TRPC1: variants seen among roughly 807,000 people sequenced by gnomAD.
TRPC1 encodes short transient receptor potential channel 1.
A neutral mutation model predicts 88.2 loss-of-function variants in TRPC1; 42 were observed. That is an observed-to-expected ratio of 0.48 (90% CI 0.37 to 0.62). The LOEUF is 0.62. Among genes scored for constraint, TRPC1 ranks in the 20% least tolerant of loss-of-function variants. The probability of loss-of-function intolerance (pLI) is 0.00; values close to 1 mark genes in which losing one functional copy is unlikely to be tolerated. For synonymous variants in TRPC1, 288 were observed against 331.8 expected (o/e 0.87, Z 1.43); for missense variants, 699 against 957.3 (o/e 0.73, Z 3.56).
chr3:142,787,396 T>G (rs1482080283), intron 7 of TRPC1, among the ~76,000 whole-genome samples: 1 of 152,228 alleles, frequency 6.6e-6, no homozygotes, highest in African/African-American at 2.4e-5. Context: ...ACACAGTGAC[T>G]TTTTAACTCA....
chr3:142,727,649 T>C (rs1178103832), intron 1 of TRPC1, among the ~76,000 whole-genome samples: 1 of 152,164 alleles, frequency 6.6e-6, no homozygotes, highest in Non-Finnish European at 1.5e-5. Flanking sequence ...TGAAAGTTAC[T>C]GTGCCAGCAA....
At chr3:142,731,374 ATTTTTTTTTTTT>A (rs59613066) in intron 1 of TRPC1, among the ~76,000 whole-genome samples, 9 of 79,524 alleles carry the variant, frequency 1.1e-4, no homozygotes, top group South Asian at 4.9e-4. Context: ...ATATGTTTTG[ATTTTTTTTTTTT>A]TTTTTTTTTT....
rs1577945687 is a variant in TRPC1, at chr3:142,736,493, A to G, written c.287A>G (p.Asn96Ser). 1 of 1,611,498 alleles carries G rather than the reference A, an allele frequency of 6.2e-7. No individual in the cohort carries two copies. Among genetic ancestry groups the G allele is most frequent in the Non-Finnish European group, 8.5e-7 (1 of 1,179,120 alleles). ...NAVTITIENE[N>S]LDILQLLLDY... ...GTTACCATAACTATTGAAAACGAAA[A>G]CTTGGATATACTGCAGCTTCTTTTG... The change falls in exon 2 of 13, where the codon AAC (asparagine) becomes AGC (serine). Residue 96 changes from asparagine (N) to serine (S), a missense_variant. This residue lies in a region of TRPC1 where 157 missense variants were observed against 127.0 expected (regional missense o/e 1.24). Transcript: ENST00000476941.
intron 2 of TRPC1, among the ~76,000 whole-genome samples, chr3:142,740,161 A>G (rs1934294799): frequency 6.6e-6 from 1 of 152,252 alleles, no homozygotes; most frequent in Non-Finnish European, 1.5e-5. Context: ...CCCTGGTGCC[A>G]AAAAGGTTGG....
chr3:142,783,363 T>C (rs1218028108), intron 6 of TRPC1, among the ~76,000 whole-genome samples: 2 of 152,114 alleles, frequency 1.3e-5, no homozygotes, highest in African/African-American at 4.8e-5. Context: ...CCCAAGAACA[T>C]TGGAATCTGA....
At chr3:142,796,608 C>T (rs1029261634) in intron 9 of TRPC1, among the ~76,000 whole-genome samples, 1 of 151,828 alleles carries the variant, frequency 6.6e-6, no homozygotes, top group African/African-American at 2.4e-5. Flanking sequence ...GACTCTGCTG[C>T]GTGGGTCCCT....
At chr3:142,800,652 C>T (rs931697973) in intron 9 of TRPC1, among the ~76,000 whole-genome samples, 3 of 152,072 alleles carry the variant, frequency 2.0e-5, no homozygotes, top group Non-Finnish European at 4.4e-5. Flanking sequence ...CACGGTGGCT[C>T]ACACCTGTAA....
chr3:142,789,197 A>G (rs183915181), intron 7 of TRPC1, among the ~76,000 whole-genome samples: 39 of 152,322 alleles, frequency 2.6e-4, no homozygotes, highest in Non-Finnish European at 5.1e-4. Context: ...TGAGTCTTCA[A>G]GAAAGTATGG....
intron 9 of TRPC1, among the ~76,000 whole-genome samples, chr3:142,800,649 G>C (rs1485181896): frequency 6.6e-6 from 1 of 152,058 alleles, no homozygotes; most frequent in Non-Finnish European, 1.5e-5. Flanking sequence ...AGGCACGGTG[G>C]CTCACACCTG....
At chr3:142,756,765 T>A (rs1452912543) in intron 4 of TRPC1, among the ~76,000 whole-genome samples, 2 of 152,208 alleles carry the variant, frequency 1.3e-5, no homozygotes, top group East Asian at 1.9e-4. Flanking sequence ...ACTGTGGTTT[T>A]AAAAATTTTT....
intron 3 of TRPC1, among the ~76,000 whole-genome samples, chr3:142,746,441 T>A (rs1439637170): frequency 1.3e-5 from 2 of 152,158 alleles, no homozygotes; most frequent in Non-Finnish European, 2.9e-5. Context: ...AGTAATGCAA[T>A]GATAAGATGG....
chr3:142,767,537 A>G lies in TRPC1; in HGVS notation c.633-10095A>G, dbSNP rs980821429. On this transcript the variant is annotated intron_variant, in intron 4 of 12. Coordinates refer to ENST00000476941, the MANE Select transcript of TRPC1 (RefSeq NM_001251845.2). This position sits in a 1 kb window ranked among gnomAD's most constrained non-coding sequence, Gnocchi z 5.1. Reference sequence around the variant, plus strand: ...TAATTCTGTTGTGGTTAGAGATTATACTTTATTTTTAATGATATCTTTGTT... The same window carrying G: ...TAATTCTGTTGTGGTTAGAGATTATGCTTTATTTTTAATGATATCTTTGTT... Among the ~76,000 whole-genome samples, 1 of 149,188 alleles carries G rather than the reference A, an allele frequency of 6.7e-6. No individual in the cohort carries two copies. The highest frequency in any genetic ancestry group is 1.5e-5 in the Non-Finnish European group (1 of 67,346).
chr3:142,725,045 C>T (rs1039230757), intron 1 of TRPC1, among the ~76,000 whole-genome samples: 4 of 152,224 alleles, frequency 2.6e-5, no homozygotes, highest in Non-Finnish European at 5.9e-5. Context: ...TGCTACTGAC[C>T]GCATGAATGA....
At position 142,745,219 on chromosome 3, in the gene TRPC1, T is replaced by C. The variant is rs151150966; in HGVS notation, c.429+1633T>C. On this transcript the variant is annotated intron_variant, in intron 3 of 12. Transcript: ENST00000476941. ...TTTTCTGCCACTTATCTTGCAGTTA[T>C]TATTATATTTTGGCACACCTGTCCC... Among the ~76,000 whole-genome samples, 529 of 152,318 alleles carry C rather than the reference T, an allele frequency of 3.5e-3. 2 individuals are homozygous for C. The highest frequency in any genetic ancestry group is 0.024 in the South Asian group (117 of 4,816).
chr3:142,773,876 T>C (rs910438135), intron 4 of TRPC1, among the ~76,000 whole-genome samples: 20 of 151,368 alleles, frequency 1.3e-4, no homozygotes, highest in South Asian at 2.1e-4. Flanking sequence ...ATCTAGTATT[T>C]GTTTGTTTGA....
chr3:142,725,156 C>A (rs1933624316), intron 1 of TRPC1, among the ~76,000 whole-genome samples: 2 of 152,192 alleles, frequency 1.3e-5, no homozygotes, highest in African/African-American at 4.8e-5. Context: ...CTTAGGATGC[C>A]TCGTATGGAG....
Position 142,781,007 on chromosome 3 carries a change from C to CTA in TRPC1, c.940_941dup (p.Lys315SerfsTer18), listed in dbSNP as rs1935941604. On this transcript the variant is annotated frameshift_variant, in exon 6 of 13. Coordinates refer to ENST00000476941, the MANE Select transcript of TRPC1 (RefSeq NM_001251845.2). LOFTEE classifies it high-confidence loss of function. ...ATGAATTTAAGTCGTCTAAAACTTGCTATCAAATATAACCAGAAAGAGGTA... is the reference window on the plus strand; with the variant it reads ...ATGAATTTAAGTCGTCTAAAACTTGCTATATCAAATATAACCAGAAAGAGGTA... 6.2e-7 allele frequency: 1 copy of CTA among 1,611,892 alleles called. No individual in the cohort carries two copies. Among genetic ancestry groups the CTA allele is most frequent in the African/African-American group, 1.3e-5 (1 of 74,776 alleles).
chr3:142,766,955 CA>C, intron 4 of TRPC1, among the ~76,000 whole-genome samples: 3 of 152,102 alleles, frequency 2.0e-5, no homozygotes, highest in Non-Finnish European at 2.9e-5. Flanking sequence ...TTTAAATTTC[CA>C]AATAAAGTTT....
chr3:142,789,864 T>C (rs1936243989), intron 7 of TRPC1, among the ~76,000 whole-genome samples: 2 of 152,162 alleles, frequency 1.3e-5, no homozygotes, highest in African/African-American at 4.8e-5. Context: ...ATCAGGTACT[T>C]TTCAGGACAT....
Sources: allele counts gnomAD v4.1 joint callset (sites outside exome capture counted in the v4.1 genomes callset), GRCh38; gene constraint gnomAD v4.1.1; regional missense constraint gnomAD v4.1.1; non-coding constraint Gnocchi (gnomAD v3.1); transcripts MANE v1.5; gene names NCBI Gene and HGNC (gene_info 2026-07-23, HGNC 2026-07-21).